Variants in LMAN1 observed in about 807,000 individuals in gnomAD.
LMAN1 encodes protein ERGIC-53.
A neutral mutation model predicts 67.8 loss-of-function variants in LMAN1; 32 were observed. That is an observed-to-expected ratio of 0.47 (90% CI 0.36 to 0.63). The LOEUF (loss-of-function observed/expected upper bound fraction) is 0.63, where lower values mean the gene tolerates loss of function less well. Among genes scored for constraint, LMAN1 ranks in the 30% least tolerant of loss-of-function variants. LMAN1 has a pLI of 0.00. For synonymous variants in LMAN1, 235 were observed against 219.3 expected (o/e 1.07, Z -0.63); for missense variants, 632 against 628.2 (o/e 1.01, Z -0.06).
intron 5 of LMAN1, 64 bp downstream of exon 5, chr18:59,353,138 T>C (rs922515418): frequency 7.3e-7 from 1 of 1,368,584 alleles, no homozygotes; most frequent in South Asian, 1.2e-5. Flanking sequence ...CTATCAAAAA[T>C]TCAAAATGAA....
At chr18:59,331,600 A>T in intron 11 of LMAN1, 61 bp from the exon 12 acceptor site, 1 of 1,557,524 alleles carries the variant, frequency 6.4e-7, no homozygotes, top group African/African-American at 1.4e-5. Flanking sequence ...AAAAGAAATA[A>T]ATGTGAAATC....
Position 59,359,259 on chromosome 18 carries a change from C to T in LMAN1, c.-15G>A. On this transcript the variant is annotated 5_prime_UTR_variant, in exon 1 of 13. Transcript: ENST00000251047. ...GATCCCGCCATCTTGGATTCTGGAACGCGGAGGAGGGCGGGAGAGGGAGGG... is the reference window on the plus strand; with the variant it reads ...GATCCCGCCATCTTGGATTCTGGAATGCGGAGGAGGGCGGGAGAGGGAGGG... 2 of 1,612,908 alleles carry T rather than the reference C, an allele frequency of 1.2e-6. No individual in the cohort carries two copies. Among genetic ancestry groups the T allele is most frequent in the South Asian group, 1.1e-5 (1 of 91,018 alleles).
At position 59,359,221 on chromosome 18, in the gene LMAN1, A is replaced by AC; in HGVS notation, c.23dup (p.Leu9SerfsTer94). The AC allele has an allele frequency of 6.2e-7, 1 of 1,613,714 alleles. No homozygotes were observed. The highest frequency in any genetic ancestry group is 1.1e-5 in the South Asian group (1 of 91,032). On this transcript the variant is annotated frameshift_variant, in exon 1 of 13. Coordinates refer to ENST00000251047, the MANE Select transcript of LMAN1 (RefSeq NM_005570.4). LOFTEE classifies it high-confidence loss of function. ...ACAGCGGCCGAACTCTGGCCCGGAG[A>AC]CCCCTTTGCCTGGATCCCGCCATCT... is the stretch of plus-strand genomic sequence containing the variant.
intron 6 of LMAN1, among the ~76,000 whole-genome samples, 178 bp downstream of exon 6, chr18:59,348,935 A>G (rs954489098): frequency 6.6e-6 from 1 of 152,244 alleles, no homozygotes; most frequent in African/African-American, 2.4e-5. Context: ...CCTACCGAAC[A>G]ATGTAAGTAG....
chr18:59,329,245 T>C lies in LMAN1; in HGVS notation c.*1848A>G, dbSNP rs1338228250. The C allele has an allele frequency of 6.6e-6, 1 of 152,194 alleles. No individual in the cohort carries two copies. The highest frequency in any genetic ancestry group is 1.5e-5 in the Non-Finnish European group (1 of 68,016). The allele number at this position is 152,194 out of a possible 1,614,324, so 9.4% of individuals were successfully genotyped here. ...CTGTTTCATAATAGCCATCTCCATT[T>C]GTAGTAAGAATAATCAGAATGATTC... On this transcript the variant is annotated 3_prime_UTR_variant, in exon 13 of 13. Transcript: ENST00000251047.
intron 10 of LMAN1, among the ~76,000 whole-genome samples, chr18:59,333,858 A>G (rs1241642731): frequency 6.6e-6 from 1 of 152,154 alleles, no homozygotes; most frequent in Non-Finnish European, 1.5e-5. Context: ...AAAGAAAAAA[A>G]AAAAAGAGAC....
At chr18:59,357,746 T>G (rs1412406540) in intron 1 of LMAN1, among the ~76,000 whole-genome samples, 3 of 152,106 alleles carry the variant, frequency 2.0e-5, no homozygotes, top group Non-Finnish European at 4.4e-5. Context: ...AGTAATTACT[T>G]TCTAGAAATG....
chr18:59,355,883 C>G (rs1350173235), intron 1 of LMAN1, among the ~76,000 whole-genome samples: 1 of 152,122 alleles, frequency 6.6e-6, no homozygotes, highest in African/African-American at 2.4e-5. Context: ...ATTACAGGGA[C>G]AGTGGGTGAG....
At chr18:59,349,357 A>G in intron 5 of LMAN1, 121 bp from the exon 6 acceptor site, 1 of 903,836 alleles carries the variant, frequency 1.1e-6, no homozygotes, top group Non-Finnish European at 1.7e-6. Flanking sequence ...ATTTTAAATA[A>G]CGTTTCCTAC....
chr18:59,359,209 T>C lies in LMAN1; in HGVS notation c.36A>G (p.Arg12=). ...AGSRQRGLRA[R]VRPLFCALLL... is the part of the protein sequence containing the mutation. ...GCAAGGCGCAGAACAGCGGCCGAAC[T>C]CTGGCCCGGAGACCCCTTTGCCTGG... Residue 12 remains arginine, a synonymous_variant, in exon 1 of 13, where the codon AGA becomes AGG. Transcript: ENST00000251047. The C allele has an allele frequency of 6.2e-7, 1 of 1,613,916 alleles. No homozygotes were observed. The highest frequency in any genetic ancestry group is 1.6e-4 in the Middle Eastern group (1 of 6,062).
Position 59,331,523 on chromosome 18 carries a change from G to C in LMAN1, c.1391C>G (p.Pro464Arg), listed in dbSNP as rs750667779. ...VQRNMPSNEK[P>R]KCPELPPFPS... ...AAATGGTGGTAGTTCTGGGCATTTC[G>C]GCTTTTCATTTGATGGCTGTAAGGC... is the stretch of plus-strand genomic sequence containing the variant. Residue 464 changes from proline (P) to arginine (R), a missense_variant, in exon 12 of 13, where the codon CCG becomes CGG. Coordinates refer to ENST00000251047, the MANE Select transcript of LMAN1 (RefSeq NM_005570.4). 9 of 1,613,084 alleles carry C rather than the reference G, an allele frequency of 5.6e-6. No individual in the cohort carries two copies. Among genetic ancestry groups the C allele is most frequent in the Non-Finnish European group, 7.6e-6 (9 of 1,179,264 alleles).
chr18:59,338,693 C>T, intron 9 of LMAN1, 66 bp from the exon 10 acceptor site: 1 of 1,604,198 alleles, frequency 6.2e-7, no homozygotes, highest in South Asian at 1.1e-5. Context: ...AGTACAGTTG[C>T]CCTTCTTCTT....
intron 7 of LMAN1, 98 bp from the exon 8 acceptor site, chr18:59,346,149 C>A: frequency 1.0e-6 from 1 of 991,102 alleles, no homozygotes; most frequent in Non-Finnish European, 1.5e-6. Flanking sequence ...TCTTCTACCA[C>A]TAGCGGAAAG....
intron 10 of LMAN1, among the ~76,000 whole-genome samples, chr18:59,336,019 GT>G (rs1023070967): frequency 2.0e-5 from 3 of 152,184 alleles, no homozygotes; most frequent in African/African-American, 7.2e-5. Context: ...AAGGGGGAAA[GT>G]TAAAAATTAA....
At chr18:59,338,728 A>G (rs1008050264) in intron 9 of LMAN1, 32 bp downstream of exon 9, 21 of 1,612,112 alleles carry the variant, frequency 1.3e-5, no homozygotes, top group Admixed American at 1.7e-5. Context: ...CAAAGGGTAA[A>G]TGGGGCACAT....
At chr18:59,355,699 T>A in intron 1 of LMAN1, 41 bp from the exon 2 acceptor site, 1 of 1,594,402 alleles carries the variant, frequency 6.3e-7, no homozygotes, top group Non-Finnish European at 8.6e-7. Context: ...AAGTTATAAT[T>A]AGGTAAAACT....
At chr18:59,358,812 C>G (rs902772793) in intron 1 of LMAN1, among the ~76,000 whole-genome samples, 3 of 152,060 alleles carry the variant, frequency 2.0e-5, no homozygotes, top group Admixed American at 2.0e-4. Context: ...TGAGAGAGAA[C>G]AGAATGGGTG....
Position 59,345,973 on chromosome 18 carries a change from C to T in LMAN1, c.901G>A (p.Asp301Asn), listed in dbSNP as rs768248767. The T allele has an allele frequency of 2.5e-6, 4 of 1,613,524 alleles. No homozygotes were observed. The highest frequency in any genetic ancestry group is 3.4e-6 in the Non-Finnish European group (4 of 1,179,808). ...EEFEHFQQELDKKKEEFQKGH... is the reference protein window; with the variant it reads ...EEFEHFQQELNKKKEEFQKGH... ...TTCTGGAATTCCTCTTTTTTTTTAT[C>T]CAATTCTTGTTGAAAGTGCTCAAAT... The change falls in exon 8 of 13, where the codon GAT becomes AAT. Residue 301 changes from aspartate to asparagine, a missense_variant. Coordinates refer to ENST00000251047, the MANE Select transcript of LMAN1 (RefSeq NM_005570.4).
chr18:59,333,150 T>C lies in LMAN1; in HGVS notation c.1315A>G (p.Ile439Val). 6.2e-7 allele frequency: 1 copy of C among 1,613,796 alleles called. No individual in the cohort carries two copies. Among genetic ancestry groups the C allele is most frequent in the Non-Finnish European group, 8.5e-7 (1 of 1,179,750 alleles). Residue 439 changes from isoleucine to valine, a missense_variant, in exon 11 of 13, where the codon ATC becomes GTC. Transcript: ENST00000251047. ...TTTACTATGTGCAGGTGCTCTTTGA[T>C]GTCAATGAAGTGCTGTGTTGTCTCA... Reference protein sequence around the residue: ...VYETTQHFIDIKEHLHIVKRD... With the variant: ...VYETTQHFIDVKEHLHIVKRD...
Sources: allele counts gnomAD v4.1 joint callset (sites outside exome capture counted in the v4.1 genomes callset), GRCh38; gene constraint gnomAD v4.1.1; transcripts MANE v1.5; gene names NCBI Gene and HGNC (gene_info 2026-07-23, HGNC 2026-07-21).